Variants in USH2A observed in about 807,000 individuals in gnomAD.
USH2A encodes the protein usherin, also known as Usher syndrome 2A (autosomal recessive, mild).
Under a neutral mutation model 538.9 loss-of-function variants are expected in USH2A, and 443 were observed. The observed-to-expected ratio is 0.82, with a 90% CI of 0.76 to 0.89. The LOEUF is 0.89. USH2A is among the 40% of genes least tolerant of loss of function. The pLI, the probability that USH2A is intolerant of heterozygous loss-of-function variation, is 0.00. For missense variants in USH2A, 6,633 were observed against 6,324.8 expected (o/e 1.05, Z -1.65); for synonymous variants, 2,413 against 2,273.5 (o/e 1.06, Z -1.75).
At chr1:215,998,742 G>T in intron 34 of USH2A, 145 bp downstream of exon 34, 1 of 829,568 alleles carries the variant, frequency 1.2e-6, no homozygotes, top group Non-Finnish European at 1.9e-6. Flanking sequence ...ATTTAGGATG[G>T]GAAGAGAGTT....
intron 27 of USH2A, among the ~76,000 whole-genome samples, chr1:216,074,088 T>C (rs2102550130): frequency 6.6e-6 from 1 of 152,372 alleles, no homozygotes; most frequent in East Asian, 1.9e-4. Flanking sequence ...CGCAGTACCA[T>C]TCTGTGAAGT....
chr1:216,171,030 C>T (rs1307671893), intron 21 of USH2A, among the ~76,000 whole-genome samples: 1 of 152,040 alleles, frequency 6.6e-6, no homozygotes, highest in Non-Finnish European at 1.5e-5. Context: ...TTTTTTATAA[C>T]ATCTGATATG....
At chr1:216,270,444 T>C (rs1029004249) in intron 11 of USH2A, among the ~76,000 whole-genome samples, 2 of 152,180 alleles carry the variant, frequency 1.3e-5, no homozygotes, top group Non-Finnish European at 2.9e-5. Flanking sequence ...GAGAACATCA[T>C]AGACTTCTCT....
chr1:215,701,704 T>C (rs1659023146), intron 61 of USH2A, among the ~76,000 whole-genome samples: 1 of 152,250 alleles, frequency 6.6e-6, no homozygotes. Context: ...TTTGAGCCTA[T>C]GTGTGTCTTT....
intron 64 of USH2A, among the ~76,000 whole-genome samples, chr1:215,662,001 T>G (rs1657450677): frequency 6.6e-6 from 1 of 152,244 alleles, no homozygotes. Flanking sequence ...AACTATAATT[T>G]AAGTCCCTGA....
chr1:215,757,328 T>C (rs1660842569), intron 58 of USH2A, among the ~76,000 whole-genome samples: 2 of 152,224 alleles, frequency 1.3e-5, no homozygotes, highest in Admixed American at 1.3e-4. Context: ...AAGGTGTTGG[T>C]CTATAAGAAA....
intron 61 of USH2A, among the ~76,000 whole-genome samples, chr1:215,681,104 GAA>G (rs1198218260): frequency 1.3e-5 from 2 of 151,780 alleles, no homozygotes; most frequent in Non-Finnish European, 2.9e-5. Context: ...TAAAAGAAAA[GAA>G]AAAAAGGGAT....
intron 38 of USH2A, among the ~76,000 whole-genome samples, chr1:215,908,070 T>C (rs1665684233): frequency 6.6e-6 from 1 of 152,010 alleles, no homozygotes; most frequent in Non-Finnish European, 1.5e-5. Flanking sequence ...TACTTTAGAG[T>C]ACATTCATTT....
chr1:216,300,426 C>A (rs768333720), intron 9 of USH2A, among the ~76,000 whole-genome samples: 12 of 152,138 alleles, frequency 7.9e-5, no homozygotes, highest in Non-Finnish European at 1.8e-4. Flanking sequence ...GGACCTTTAC[C>A]ACTGATTCAT....
intron 61 of USH2A, among the ~76,000 whole-genome samples, chr1:215,689,212 T>C (rs1260438117): frequency 2.6e-5 from 4 of 152,196 alleles, no homozygotes; most frequent in East Asian, 3.8e-4. Flanking sequence ...AATGAAACTA[T>C]AGTTTTGGGA....
At chr1:216,219,293 G>C (rs2035406946) in intron 14 of USH2A, among the ~76,000 whole-genome samples, 1 of 152,026 alleles carries the variant, frequency 6.6e-6, no homozygotes, top group African/African-American at 2.4e-5. Context: ...ATAATCACTT[G>C]ACTTCAGTAA....
chr1:216,167,241 C>G (rs533557513), intron 21 of USH2A, among the ~76,000 whole-genome samples: 90 of 152,168 alleles, frequency 5.9e-4, no homozygotes, highest in Non-Finnish European at 1.0e-3. Flanking sequence ...CCCCCCACAA[C>G]GCCCCACCAG....
intron 32 of USH2A, among the ~76,000 whole-genome samples, chr1:216,030,475 T>C (rs1291920421): frequency 5.5e-5 from 2 of 36,362 alleles, no homozygotes; most frequent in Non-Finnish European, 1.2e-4. Context: ...ATATAATATA[T>C]ATGATATATA....
At chr1:215,793,946 A>G (rs906649901) in intron 50 of USH2A, among the ~76,000 whole-genome samples, 4 of 152,222 alleles carry the variant, frequency 2.6e-5, no homozygotes, top group Non-Finnish European at 5.9e-5. Flanking sequence ...GATATAATCA[A>G]GTCCAATCCA....
intron 46 of USH2A, among the ~76,000 whole-genome samples, chr1:215,839,540 T>C (rs980069794): frequency 5.8e-4 from 88 of 152,160 alleles, no homozygotes; most frequent in Non-Finnish European, 1.1e-3. Flanking sequence ...TACTTAGGTA[T>C]ATTCAAATGT....
chr1:215,995,257 A>G (rs1037837722), intron 34 of USH2A, among the ~76,000 whole-genome samples: 2 of 152,334 alleles, frequency 1.3e-5, no homozygotes, highest in Non-Finnish European at 1.5e-5. Flanking sequence ...TTCATCTACT[A>G]TGTCATCTGA....
chr1:216,046,406 T>C, intron 32 of USH2A, 25 bp downstream of exon 32: 3 of 1,613,028 alleles, frequency 1.9e-6, no homozygotes, highest in South Asian at 2.2e-5. Flanking sequence ...CTATAACAAT[T>C]CGCTGATAAC....
intron 64 of USH2A, among the ~76,000 whole-genome samples, chr1:215,670,514 C>T (rs926515910): frequency 2.0e-5 from 3 of 152,092 alleles, no homozygotes; most frequent in African/African-American, 7.2e-5. Context: ...TAACTCATCG[C>T]CATGGGCAGG....
chr1:216,185,696 A>C (rs2102650677), intron 20 of USH2A, among the ~76,000 whole-genome samples: 1 of 152,098 alleles, frequency 6.6e-6, no homozygotes, highest in East Asian at 1.9e-4. Flanking sequence ...TTGCAAGTCA[A>C]CTTTTATTAC....
Sources: gnomAD v4.1 joint callset for allele counts (sites outside exome capture counted in the v4.1 genomes callset) on GRCh38, gnomAD v4.1.1 for gene constraint, MANE v1.5 for transcripts, NCBI Gene and HGNC (gene_info 2026-07-23, HGNC 2026-07-21) for gene names.